Variants in CEP170 observed in about 807,000 individuals in gnomAD.
The protein encoded by CEP170 is centrosomal protein 170, also known as centrosomal protein of 170 kDa.
Under a neutral mutation model 151.9 loss-of-function variants are expected in CEP170, and 21 were observed. The observed-to-expected ratio is 0.14, with a 90% CI of 0.10 to 0.20. The LOEUF (loss-of-function observed/expected upper bound fraction) is 0.20. Ranked by LOEUF, CEP170 falls within the 10% of genes least tolerant of loss-of-function variation. The probability of loss-of-function intolerance (pLI) is 1.00; values close to 1 mark genes in which losing one functional copy is unlikely to be tolerated. For synonymous variants in CEP170, 356 were observed against 648.8 expected (o/e 0.55, Z 6.86); for missense variants, 964 against 1,892.9 (o/e 0.51, Z 9.11).
chr1:243,222,950 A>G (rs952341572), intron 2 of CEP170, among the ~76,000 whole-genome samples: 2 of 152,196 alleles, frequency 1.3e-5, no homozygotes, highest in Non-Finnish European at 2.9e-5. Flanking sequence ...TTGAGATTTA[A>G]AAAAACTCCT....
chr1:243,214,476 G>A (rs1351924340), intron 3 of CEP170, among the ~76,000 whole-genome samples: 1 of 151,510 alleles, frequency 6.6e-6, no homozygotes, highest in Non-Finnish European at 1.5e-5. Flanking sequence ...AGTAGCGATG[G>A]GGTTTCACCA....
chr1:243,150,583 C>A (rs553254146), intron 14 of CEP170, among the ~76,000 whole-genome samples: 157 of 152,264 alleles, frequency 1.0e-3, no homozygotes, highest in African/African-American at 3.7e-3. Flanking sequence ...GGCTGGGATT[C>A]TTAAGCACAA....
At chr1:243,151,276 A>G (rs1267372244) in intron 14 of CEP170, among the ~76,000 whole-genome samples, 1 of 149,122 alleles carries the variant, frequency 6.7e-6, no homozygotes, top group East Asian at 1.9e-4. Flanking sequence ...TACTCCCACT[A>G]ATCTCCCATC....
rs1448459478 is a variant in CEP170 at position 243,156,229 on chromosome 1, C to T, written c.3903G>A (p.Glu1301=). ...YIRDWTAHRE[E]IARISQDLAL... ...AAGTCCTGAAAACCAACCTGGCTAT[C>T]TCTTCTCGATGAGCAGTCCAATCTC... The change falls in exon 14 of 20, where the codon GAG becomes GAA. Residue 1301 remains glutamate (E), a synonymous_variant. Coordinates refer to ENST00000366542, the MANE Select transcript of CEP170 (RefSeq NM_014812.3). 6.3e-7 allele frequency: 1 copy of T among 1,582,724 alleles called. No homozygotes were observed. Among genetic ancestry groups the T allele is most frequent in the Non-Finnish European group, 8.6e-7 (1 of 1,164,426 alleles).
chr1:243,155,554 T>G (rs1572304187), intron 14 of CEP170, among the ~76,000 whole-genome samples: 1 of 152,148 alleles, frequency 6.6e-6, no homozygotes, highest in East Asian at 1.9e-4. Flanking sequence ...AATCCTTATA[T>G]TTTAACTACT....
chr1:243,126,606 G>T lies in CEP170; in HGVS notation c.4598C>A (p.Thr1533Lys). 1 of 1,573,770 alleles carries T rather than the reference G, an allele frequency of 6.4e-7. No homozygotes were observed. Among genetic ancestry groups the T allele is most frequent in the East Asian group, 2.3e-5 (1 of 43,014 alleles). Reference sequence around the variant, plus strand: ...AGCTTCTGGTTGGCCAAGTGTTGGTGTCTGACCCGGGCTGTGGTGGTTATT... The same window carrying T: ...AGCTTCTGGTTGGCCAAGTGTTGGTTTCTGACCCGGGCTGTGGTGGTTATT... ...PVNNHHSPGQ[T>K]PTLGQPEARA... The change falls in exon 20 of 20, where the codon ACA becomes AAA. Residue 1533 changes from threonine to lysine, a missense_variant. Thr to Lys is a moderately conservative substitution (Grantham distance 78). Coordinates refer to ENST00000366542, the MANE Select transcript of CEP170 (RefSeq NM_014812.3).
intron 3 of CEP170, among the ~76,000 whole-genome samples, chr1:243,215,692 C>T (rs1349436540): frequency 6.6e-6 from 1 of 152,134 alleles, no homozygotes; most frequent in African/African-American, 2.4e-5. Flanking sequence ...TTAATTTCAC[C>T]TGGGTCCTGT....
intron 14 of CEP170, among the ~76,000 whole-genome samples, chr1:243,146,473 G>A (rs531396882): frequency 6.6e-6 from 1 of 152,158 alleles, no homozygotes; most frequent in East Asian, 1.9e-4. Context: ...AATTTCAAAG[G>A]CAGGTATAAA....
chr1:243,236,837 G>C (rs994324743), intron 1 of CEP170, among the ~76,000 whole-genome samples: 3 of 152,202 alleles, frequency 2.0e-5, no homozygotes, highest in African/African-American at 4.8e-5. Context: ...TTACGATCCT[G>C]AAAGTCAAAT....
chr1:243,151,328 T>C (rs1203547044), intron 14 of CEP170, among the ~76,000 whole-genome samples: 1 of 150,694 alleles, frequency 6.6e-6, no homozygotes, highest in African/African-American at 2.5e-5. Flanking sequence ...CTTACTATTC[T>C]GGCAATCATC....
In CEP170 at chr1:243,244,503, G is replaced by C. The variant is rs369402714; in HGVS notation, c.-42+10537C>G. Among the ~76,000 whole-genome samples, 174 of 152,316 alleles carry C rather than the reference G, an allele frequency of 1.1e-3. 2 individuals carry two copies. In the South Asian group the frequency reaches 0.018, roughly 16 times the overall value. On this transcript the variant is annotated intron_variant, in intron 1 of 19. Coordinates refer to ENST00000366542, the MANE Select transcript of CEP170 (RefSeq NM_014812.3). Reference sequence around the variant, plus strand: ...CACGCCTGTAATCACAGCACTTTGGGAGTCTCAGGCAGGTAGATAGCTTGA... The same window carrying C: ...CACGCCTGTAATCACAGCACTTTGGCAGTCTCAGGCAGGTAGATAGCTTGA...
intron 4 of CEP170, 35 bp downstream of exon 4, chr1:243,211,851 A>C (rs985908337): frequency 6.3e-7 from 1 of 1,582,690 alleles, no homozygotes; most frequent in Non-Finnish European, 8.6e-7. Context: ...ATATTTGAAT[A>C]AATTTAATAA....
chr1:243,190,557 C>T (rs2060247871), intron 8 of CEP170, among the ~76,000 whole-genome samples: 1 of 152,040 alleles, frequency 6.6e-6, no homozygotes, highest in Non-Finnish European at 1.5e-5. Flanking sequence ...TACTTTGAAG[C>T]GCTCCATCAA....
In CEP170 at chr1:243,172,761, C is replaced by T; in HGVS notation, c.1652G>A (p.Ser551Asn). 1 of 1,578,040 alleles carries T rather than the reference C, an allele frequency of 6.3e-7. No homozygotes were observed. The highest frequency in any genetic ancestry group is 8.6e-7 in the Non-Finnish European group (1 of 1,160,782). The change falls in exon 11 of 20, where the codon AGT becomes AAT. Residue 551 changes from serine to asparagine, a missense_variant. Physicochemically the swap from Ser to Asn is conservative, Grantham distance 46. Transcript: ENST00000366542. ...TTCTTCCATTACTGCTGCAGCAGAA[C>T]TGAGAGCCCAATCTTTTATTAGATC... Reference protein sequence around the residue: ...HKDLIKDWALSSAAAVMEERK... With the variant: ...HKDLIKDWALNSAAAVMEERK...
At chr1:243,153,812 T>C (rs560628167) in intron 14 of CEP170, among the ~76,000 whole-genome samples, 1 of 152,252 alleles carries the variant, frequency 6.6e-6, no homozygotes, top group Non-Finnish European at 1.5e-5. Flanking sequence ...GAGGTGTTAC[T>C]GTAGATAATC....
At chr1:243,135,200 G>T (rs1328225761) in intron 17 of CEP170, among the ~76,000 whole-genome samples, 1 of 152,006 alleles carries the variant, frequency 6.6e-6, no homozygotes, top group African/African-American at 2.4e-5. Flanking sequence ...ACACCTTCAA[G>T]AAATTATTAT....
Position 243,211,028 on chromosome 1 carries a change from G to A in CEP170, c.274+858C>T, listed in dbSNP as rs571817229. 2.6e-3 allele frequency among the ~76,000 whole-genome samples: 390 copies of A among 150,248 alleles called. 2 individuals are homozygous for A. Among genetic ancestry groups the A allele is most frequent in the Non-Finnish European group, 4.1e-3 (281 of 67,768 alleles). On this transcript the variant is annotated intron_variant, in intron 4 of 19. Coordinates refer to ENST00000366542, the MANE Select transcript of CEP170 (RefSeq NM_014812.3). ...TGCTTTTTCTGCTACGGTGACAAAA[G>A]TCCATCCAAATTGCTATGCTTAATA...
chr1:243,220,742 C>A (rs896976934), intron 3 of CEP170, among the ~76,000 whole-genome samples: 1 of 152,182 alleles, frequency 6.6e-6, no homozygotes, highest in South Asian at 2.1e-4. Context: ...GAACCATAAG[C>A]AAATGAAGAA....
chr1:243,129,898 C>CT (rs546118276), intron 17 of CEP170, among the ~76,000 whole-genome samples: 1 of 151,514 alleles, frequency 6.6e-6, no homozygotes, highest in Non-Finnish European at 1.5e-5. Flanking sequence ...ATTCACATAA[C>CT]TTTTTTTTAC....
Sources: gnomAD v4.1 joint callset for allele counts (sites outside exome capture counted in the v4.1 genomes callset) on GRCh38, gnomAD v4.1.1 for gene constraint, MANE v1.5 for transcripts, NCBI Gene and HGNC (gene_info 2026-07-23, HGNC 2026-07-21) for gene names.